The following ABCA12 variants were observed in gnomAD, a reference collection of about 807,000 sequenced individuals.
ABCA12 encodes glucosylceramide transporter ABCA12.
A neutral mutation model predicts 293.5 loss-of-function variants in ABCA12; 156 were observed. That is an observed-to-expected ratio of 0.53 (90% CI 0.47 to 0.61). The LOEUF (loss-of-function observed/expected upper bound fraction) is 0.61, where lower values mean the gene tolerates loss of function less well. Among genes scored for constraint, ABCA12 ranks in the 20% least tolerant of loss-of-function variants. The probability of loss-of-function intolerance (pLI) is 0.00; values close to 1 mark genes in which losing one functional copy is unlikely to be tolerated. For missense variants in ABCA12, 2,797 were observed against 3,090.2 expected, an observed-to-expected ratio of 0.91 and a Z score of 2.25; for synonymous variants, 1,063 against 1,108.0, an observed-to-expected ratio of 0.96 and a Z score of 0.81.
intron 18 of ABCA12, 49 bp from the exon 19 acceptor site, chr2:215,007,895 A>G (rs1274420519): frequency 3.7e-6 from 6 of 1,608,608 alleles, no homozygotes; most frequent in Non-Finnish European, 5.1e-6. Flanking sequence ...TATTTTGTCT[A>G]TATTTTAACA....
At chr2:215,072,213 G>A (rs1001968360) in intron 2 of ABCA12, among the ~76,000 whole-genome samples, 4 of 152,032 alleles carry the variant, frequency 2.6e-5, no homozygotes, top group Non-Finnish European at 4.4e-5. Context: ...CTACAATGTC[G>A]GGATCTTTCT....
chr2:214,958,133 C>G, intron 41 of ABCA12, 144 bp downstream of exon 41: 2 of 1,112,942 alleles, frequency 1.8e-6, no homozygotes, highest in Admixed American at 3.9e-5. Context: ...TGAAGATAAG[C>G]CTGACTCAAG....
At chr2:215,081,512 G>C (rs1207141438) in intron 2 of ABCA12, among the ~76,000 whole-genome samples, 1 of 137,796 alleles carries the variant, frequency 7.3e-6, no homozygotes, top group Non-Finnish European at 1.6e-5. Flanking sequence ...AAAAGAAAAA[G>C]AAAAAAGAAA....
At chr2:214,981,512 G>T (rs1699652584) in intron 30 of ABCA12, among the ~76,000 whole-genome samples, 2 of 152,144 alleles carry the variant, frequency 1.3e-5, no homozygotes, top group South Asian at 2.1e-4. Context: ...TGAAACTTCT[G>T]TTGGATTTGC....
At chr2:215,031,229 AC>A (rs1700870450) in intron 9 of ABCA12, among the ~76,000 whole-genome samples, 2 of 152,242 alleles carry the variant, frequency 1.3e-5, no homozygotes, top group Admixed American at 1.3e-4. Flanking sequence ...GTTTTGCCTA[AC>A]TGAATACCAC....
intron 2 of ABCA12, among the ~76,000 whole-genome samples, chr2:215,067,410 C>A (rs1701658849): frequency 6.6e-6 from 1 of 152,044 alleles, no homozygotes; most frequent in Non-Finnish European, 1.5e-5. Context: ...CATGATTGTG[C>A]AAACCATGGC....
rs138088617 is a variant in ABCA12 at position 214,936,464 on chromosome 2, A to G, written c.7542+1046T>C. The stretch of plus-strand genomic sequence containing the variant: ...TTGGACCTCAGCCCTAGTCTTTCCA[A>G]TTTCTTTTTATCATTCCACGTCTGA... On this transcript the variant is annotated intron_variant, in intron 51 of 52. Coordinates refer to ENST00000272895, the MANE Select transcript of ABCA12 (RefSeq NM_173076.3). 6.7e-3 allele frequency among the ~76,000 whole-genome samples: 1,024 copies of G among 152,294 alleles called. 19 individuals carry two copies. Among genetic ancestry groups the G allele is most frequent in the African/African-American group, 0.023 (964 of 41,584 alleles).
intron 29 of ABCA12, 128 bp downstream of exon 29, chr2:214,983,519 A>C: frequency 1.1e-6 from 1 of 892,616 alleles, no homozygotes; most frequent in Non-Finnish European, 1.8e-6. Context: ...AATAAGTAGA[A>C]AAACTAAAAA....
chr2:215,091,443 C>T (rs966354001), intron 2 of ABCA12, among the ~76,000 whole-genome samples: 8 of 151,738 alleles, frequency 5.3e-5, no homozygotes, highest in Non-Finnish European at 7.4e-5. Context: ...TTTCTTTAGC[C>T]GACCTCTCCC....
intron 2 of ABCA12, among the ~76,000 whole-genome samples, chr2:215,088,979 C>T (rs996799563): frequency 1.3e-5 from 2 of 152,116 alleles, no homozygotes; most frequent in African/African-American, 4.8e-5. Flanking sequence ...CCCTCCCTCC[C>T]TCCATTTAAT....
intron 2 of ABCA12, among the ~76,000 whole-genome samples, chr2:215,065,324 AAAGAG>A (rs1313546899): frequency 1.4e-5 from 2 of 140,750 alleles, no homozygotes; most frequent in Admixed American, 1.5e-4. Flanking sequence ...AAAAAAAAAA[AAAGAG>A]TGCCCGTACA....
chr2:215,052,611 CA>C, intron 4 of ABCA12, 27 bp from the exon 5 acceptor site: 1 of 1,546,026 alleles, frequency 6.5e-7, no homozygotes, highest in Non-Finnish European at 8.9e-7. Flanking sequence ...AACAGATTAG[CA>C]TTCCACACAC....
intron 1 of ABCA12, among the ~76,000 whole-genome samples, chr2:215,119,866 G>A: frequency 6.6e-6 from 1 of 151,710 alleles, no homozygotes; most frequent in East Asian, 1.9e-4. Context: ...GCAGTTTGGA[G>A]ATTTCTCAAA....
At chr2:215,033,113 T>A (rs1029404014) in intron 8 of ABCA12, among the ~76,000 whole-genome samples, 1 of 152,342 alleles carries the variant, frequency 6.6e-6, no homozygotes, top group Admixed American at 6.5e-5. Flanking sequence ...TTCTGTGCTC[T>A]GTTCACGATG....
At chr2:215,118,925 G>A (rs1246087028) in intron 1 of ABCA12, among the ~76,000 whole-genome samples, 2 of 152,102 alleles carry the variant, frequency 1.3e-5, no homozygotes, top group Non-Finnish European at 2.9e-5. Flanking sequence ...TACATGCATA[G>A]TTTGAGAATA....
intron 1 of ABCA12, among the ~76,000 whole-genome samples, chr2:215,118,787 T>C (rs1434735281): frequency 6.6e-6 from 1 of 152,206 alleles, no homozygotes; most frequent in East Asian, 1.9e-4. Context: ...CTTATATGTT[T>C]GTTGGCCTCT....
chr2:214,946,462 T>C (rs1169486701), intron 48 of ABCA12, among the ~76,000 whole-genome samples: 1 of 152,146 alleles, frequency 6.6e-6, no homozygotes, highest in Non-Finnish European at 1.5e-5. Context: ...GCCTAAAGAT[T>C]GTTTTGTTCA....
At chr2:215,000,324 T>C (rs1393535058) in intron 22 of ABCA12, among the ~76,000 whole-genome samples, 5 of 152,070 alleles carry the variant, frequency 3.3e-5, no homozygotes, top group African/African-American at 1.2e-4. Context: ...GATTTGGGAG[T>C]TGGAAGGGAT....
intron 37 of ABCA12, 38 bp downstream of exon 37, chr2:214,970,235 A>G (rs1421416996): frequency 1.3e-6 from 2 of 1,580,724 alleles, no homozygotes; most frequent in Non-Finnish European, 1.7e-6. Flanking sequence ...CATTAAAATT[A>G]GCAAGCAATT....
Sources: gnomAD v4.1 joint callset for allele counts (sites outside exome capture counted in the v4.1 genomes callset) on GRCh38, gnomAD v4.1.1 for gene constraint, MANE v1.5 for transcripts, NCBI Gene and HGNC (gene_info 2026-07-23, HGNC 2026-07-21) for gene names.